HCN1: variants seen among roughly 807,000 people sequenced by gnomAD.
The protein encoded by HCN1 is potassium/sodium hyperpolarization-activated cyclic nucleotide-gated channel 1.
A neutral mutation model predicts 78.9 loss-of-function variants in HCN1; 13 were observed. That is an observed-to-expected ratio of 0.16 (90% CI 0.11 to 0.26). The LOEUF (loss-of-function observed/expected upper bound fraction) is 0.26, where lower values mean the gene tolerates loss of function less well. Ranked by LOEUF, HCN1 falls within the 10% of genes least tolerant of loss-of-function variation. HCN1 has a pLI of 1.00. For missense variants in HCN1, 810 were observed against 1,154.3 expected, an observed-to-expected ratio of 0.70 and a Z score of 4.32; for synonymous variants, 552 against 455.5, an observed-to-expected ratio of 1.21 and a Z score of -2.70.
chr5:45,595,056 C>A (rs571160913), intron 2 of HCN1, among the ~76,000 whole-genome samples: 2 of 152,074 alleles, frequency 1.3e-5, no homozygotes, highest in Non-Finnish European at 2.9e-5. Flanking sequence ...AAAAGAAAGA[C>A]AAATGGTAAA....
chr5:45,441,097 A>T (rs188883210), intron 3 of HCN1, among the ~76,000 whole-genome samples: 73 of 152,288 alleles, frequency 4.8e-4, no homozygotes, highest in Non-Finnish European at 9.0e-4. Flanking sequence ...TGGGGATGGC[A>T]TATAGGAACT....
chr5:45,657,535 T>A (rs1305675377), intron 1 of HCN1, among the ~76,000 whole-genome samples: 2 of 152,176 alleles, frequency 1.3e-5, no homozygotes, highest in East Asian at 3.8e-4. Flanking sequence ...ATTTATAAAT[T>A]TACTAAGTTC....
At position 45,512,223 on chromosome 5, in the gene HCN1, T is replaced by G. The variant is rs549248041; in HGVS notation, c.850-50216A>C. Among the ~76,000 whole-genome samples, 6 of 152,194 alleles carry G rather than the reference T, an allele frequency of 3.9e-5. No homozygotes were observed. The South Asian group carries it at 1.0e-3, about 26-fold the overall frequency. On this transcript the variant is annotated intron_variant, in intron 2 of 7. Coordinates refer to ENST00000303230, the MANE Select transcript of HCN1 (RefSeq NM_021072.4). ...TAATTCATTTTACATATTCCACTAGTCAAAATAATTTTTTCCAAAATGCTA... is the reference window on the plus strand; with the variant it reads ...TAATTCATTTTACATATTCCACTAGGCAAAATAATTTTTTCCAAAATGCTA...
intron 7 of HCN1, among the ~76,000 whole-genome samples, chr5:45,265,990 G>A (rs1368780865): frequency 1.3e-5 from 2 of 152,106 alleles, no homozygotes; most frequent in East Asian, 1.9e-4. Flanking sequence ...AACAGAGAGA[G>A]GAAGGTTGAG....
At chr5:45,611,415 G>T (rs1744834371) in intron 2 of HCN1, among the ~76,000 whole-genome samples, 1 of 151,410 alleles carries the variant, frequency 6.6e-6, no homozygotes. Flanking sequence ...GGGATTACAG[G>T]CGCCCACCAC....
chr5:45,372,099 T>TA (rs1747395153), intron 4 of HCN1, among the ~76,000 whole-genome samples: 4 of 55,122 alleles, frequency 7.3e-5, no homozygotes, highest in African/African-American at 2.0e-4. Flanking sequence ...ATATATATAT[T>TA]TTATATATAA....
At chr5:45,457,300 T>G (rs1741047688) in intron 3 of HCN1, among the ~76,000 whole-genome samples, 1 of 152,116 alleles carries the variant, frequency 6.6e-6, no homozygotes, top group Non-Finnish European at 1.5e-5. Flanking sequence ...TACTTGTAAT[T>G]TTAACAAAAA....
At chr5:45,475,838 C>T (rs879764491) in intron 2 of HCN1, among the ~76,000 whole-genome samples, 7 of 151,964 alleles carry the variant, frequency 4.6e-5, no homozygotes, top group African/African-American at 1.2e-4. Flanking sequence ...AACAGAAAAA[C>T]GTTTTAATAC....
intron 2 of HCN1, among the ~76,000 whole-genome samples, chr5:45,476,318 G>T (rs1741514362): frequency 6.6e-6 from 1 of 152,008 alleles, no homozygotes; most frequent in Admixed American, 6.6e-5. Context: ...AAATCACTAT[G>T]CATTGTTTAA....
chr5:45,599,418 G>A (rs1744578325), intron 2 of HCN1, among the ~76,000 whole-genome samples: 1 of 151,930 alleles, frequency 6.6e-6, no homozygotes, highest in Non-Finnish European at 1.5e-5. Flanking sequence ...AGGGGGTGGG[G>A]GCTGGGGGAG....
chr5:45,595,582 AT>A (rs1409105017), intron 2 of HCN1, among the ~76,000 whole-genome samples: 2 of 152,174 alleles, frequency 1.3e-5, no homozygotes, highest in Non-Finnish European at 2.9e-5. Context: ...CCATATTTAA[AT>A]TTCAGTAAGT....
At chr5:45,394,639 C>A (rs1292838607) in intron 4 of HCN1, among the ~76,000 whole-genome samples, 1 of 151,952 alleles carries the variant, frequency 6.6e-6, no homozygotes, top group Non-Finnish European at 1.5e-5. Context: ...GGTTTGTAGA[C>A]CTAAAATTTA....
intron 2 of HCN1, among the ~76,000 whole-genome samples, chr5:45,611,787 G>C (rs2111979597): frequency 6.6e-6 from 1 of 152,020 alleles, no homozygotes; most frequent in Admixed American, 6.6e-5. Flanking sequence ...TTCTATTTTA[G>C]CATAAAACAT....
At chr5:45,289,012 T>C (rs994291796) in intron 6 of HCN1, among the ~76,000 whole-genome samples, 2 of 151,970 alleles carry the variant, frequency 1.3e-5, no homozygotes, top group African/African-American at 4.8e-5. Flanking sequence ...AATGAACCTA[T>C]TCATGTAGCA....
chr5:45,427,685 C>CAT (rs964750185), intron 3 of HCN1, among the ~76,000 whole-genome samples: 1 of 152,080 alleles, frequency 6.6e-6, no homozygotes, highest in African/African-American at 2.4e-5. Flanking sequence ...GATATAGATA[C>CAT]ATATATCAAA....
In HCN1 at chr5:45,695,846, T is replaced by C; in HGVS notation, c.248A>G (p.Asp83Gly). The change falls in exon 1 of 8, where the codon GAC becomes GGC. Residue 83 changes from aspartate to glycine, a missense_variant. This residue lies in a region of HCN1 where 170 missense variants were observed against 166.8 expected (regional missense o/e 1.02). Coordinates refer to ENST00000303230, the MANE Select transcript of HCN1 (RefSeq NM_021072.4). ...GTACTGCCGCCGGGGCCCCTCGGCG[T>C]CTTCGAAGCCCCCCGCCGGCTCCTC... Reference protein sequence around the residue: ...GGEEPAGGFEDAEGPRRQYGF... With the variant: ...GGEEPAGGFEGAEGPRRQYGF... 1 of 1,596,334 alleles carries C rather than the reference T, an allele frequency of 6.3e-7. No homozygotes were observed. Among genetic ancestry groups the C allele is most frequent in the Non-Finnish European group, 8.5e-7 (1 of 1,175,982 alleles).
At chr5:45,632,452 G>T (rs1238832443) in intron 2 of HCN1, among the ~76,000 whole-genome samples, 1 of 151,968 alleles carries the variant, frequency 6.6e-6, no homozygotes, top group Non-Finnish European at 1.5e-5. Context: ...CTTCCATAAA[G>T]GTAAAAGTGG....
intron 6 of HCN1, among the ~76,000 whole-genome samples, chr5:45,282,230 T>C (rs1178903929): frequency 6.6e-6 from 1 of 152,194 alleles, no homozygotes; most frequent in Admixed American, 6.5e-5. Context: ...ACAATATTGT[T>C]TCATTTGTGC....
intron 2 of HCN1, among the ~76,000 whole-genome samples, chr5:45,567,606 G>T (rs934703657): frequency 9.6e-6 from 1 of 104,124 alleles, no homozygotes; most frequent in African/African-American, 3.6e-5. Context: ...CACACACACA[G>T]AGTTATATAC....
Sources: gnomAD v4.1 joint callset for allele counts (sites outside exome capture counted in the v4.1 genomes callset) on GRCh38, gnomAD v4.1.1 for gene constraint, gnomAD v4.1.1 regional missense constraint, MANE v1.5 for transcripts, NCBI Gene and HGNC (gene_info 2026-07-23, HGNC 2026-07-21) for gene names.